The following ADGRB1 variants were observed in gnomAD, a reference collection of about 807,000 sequenced individuals.
ADGRB1 encodes the protein adhesion G protein-coupled receptor B1.
Under a neutral mutation model 175.7 loss-of-function variants are expected in ADGRB1, and 36 were observed. The ratio of observed to expected loss-of-function variants is 0.20; its 90% CI spans 0.16 to 0.27. The LOEUF is 0.27. Among genes scored for constraint, ADGRB1 ranks in the 10% least tolerant of loss-of-function variants. The pLI is 1.00. For missense variants in ADGRB1, 1,731 were observed against 2,255.3 expected (o/e 0.77, Z 4.71); for synonymous variants, 1,054 against 979.4 (o/e 1.08, Z -1.42).
chr8:142,538,266 C>CCA (rs1563753010), intron 26 of ADGRB1, among the ~76,000 whole-genome samples: 1 of 152,232 alleles, frequency 6.6e-6, no homozygotes. Flanking sequence ...GGGTGCCCAG[C>CCA]CACCTCACAG....
chr8:142,485,159 G>A (rs1343355395), intron 13 of ADGRB1, among the ~76,000 whole-genome samples: 1 of 152,204 alleles, frequency 6.6e-6, no homozygotes, highest in African/African-American at 2.4e-5. Flanking sequence ...ACTCCACCCA[G>A]CTCCGTGGTG....
intron 17 of ADGRB1, among the ~76,000 whole-genome samples, chr8:142,499,459 C>T (rs1842382608): frequency 6.7e-6 from 1 of 149,140 alleles, no homozygotes; most frequent in African/African-American, 2.6e-5. Flanking sequence ...GTACGGCCAC[C>T]CGCGTGCTGG....
chr8:142,488,927 T>A (rs1841843403), intron 14 of ADGRB1, 108 bp from the exon 15 acceptor site: 1 of 1,360,850 alleles, frequency 7.3e-7, no homozygotes, highest in East Asian at 2.5e-5. Flanking sequence ...GACGCGACCT[T>A]GAAGATGGGC....
chr8:142,482,676 A>G (rs1157137152), intron 11 of ADGRB1, among the ~76,000 whole-genome samples: 1 of 151,436 alleles, frequency 6.6e-6, no homozygotes, highest in Non-Finnish European at 1.5e-5. Context: ...TCCTGGTCAC[A>G]CAGTGAACCC....
Position 142,543,848 on chromosome 8 carries a change from C to A in ADGRB1, c.4557+140C>A. The A allele has an allele frequency of 1.1e-6, 1 of 942,926 alleles. No homozygotes were observed. Among genetic ancestry groups the A allele is most frequent in the Non-Finnish European group, 1.6e-6 (1 of 615,036 alleles). The allele number at this position is 942,926 out of a possible 1,614,324, so 58.4% of individuals were successfully genotyped here. On this transcript the variant is annotated intron_variant, in intron 30 of 30. Transcript: ENST00000517894. This position sits in a 1 kb window ranked among gnomAD's most constrained non-coding sequence, Gnocchi z 4.4. ...CATTCATTCATTCATTCGCCCATCC[C>A]TGAGGGCTGGCCTGACCCTGCCATG...
chr8:142,459,101 C>T (rs1423860446), intron 1 of ADGRB1, among the ~76,000 whole-genome samples: 3 of 152,248 alleles, frequency 2.0e-5, no homozygotes, highest in African/African-American at 7.2e-5. Context: ...GCTTTCTGTC[C>T]TCATAGTGGA....
chr8:142,469,164 T>TGA lies in ADGRB1; in HGVS notation c.784+4183_784+4184insAG, dbSNP rs527831487. Among the ~76,000 whole-genome samples the TGA allele has an allele frequency of 6.2e-4, 85 of 137,354 alleles. No individual in the cohort carries two copies. The East Asian group carries it at 8.5e-3, about 14-fold the overall frequency. The allele number at this position is 137,354 out of a possible 152,430, so 90.1% of individuals were successfully genotyped here. A position where few individuals can be genotyped will look rare whatever the true frequency, so the allele number is the denominator to read the frequency against. On this transcript the variant is annotated intron_variant, in intron 2 of 30. Transcript: ENST00000517894. ...ATGTGTGTGCATGCGTGCATGTGTG[T>TGA]GTGTGTGCATGTGTGTGAATGTGTG...
intron 27 of ADGRB1, 133 bp from the exon 28 acceptor site, chr8:142,541,808 G>C: frequency 1.0e-6 from 1 of 969,434 alleles, no homozygotes; most frequent in Non-Finnish European, 1.5e-6. Context: ...TCGGTACCCA[G>C]CAGGACCTGG....
At chr8:142,526,031 T>TA (rs1000480413) in intron 23 of ADGRB1, among the ~76,000 whole-genome samples, 1 of 152,028 alleles carries the variant, frequency 6.6e-6, no homozygotes, top group African/African-American at 2.4e-5. Context: ...ATGGGAGACT[T>TA]ATGTTAGAGC....
chr8:142,483,775 A>G (rs1207742889), intron 11 of ADGRB1, among the ~76,000 whole-genome samples: 1 of 150,998 alleles, frequency 6.6e-6, no homozygotes, highest in East Asian at 2.0e-4. Context: ...CCCTGGTCAC[A>G]CACTGAGCCT....
At chr8:142,520,384 ATGGTAG>A (rs1843730672) in intron 19 of ADGRB1, among the ~76,000 whole-genome samples, 2 of 22,854 alleles carry the variant, frequency 8.8e-5, no homozygotes, top group Admixed American at 5.2e-4. Flanking sequence ...GGTGGTGGTG[ATGGTAG>A]TGATTGTGAT....
At chr8:142,533,974 C>T (rs916190640) in intron 25 of ADGRB1, among the ~76,000 whole-genome samples, 2 of 152,218 alleles carry the variant, frequency 1.3e-5, no homozygotes, top group Non-Finnish European at 2.9e-5. Flanking sequence ...TGGCGTAGGA[C>T]ACCTGCTTCC....
chr8:142,477,361 G>A (rs778353662), intron 5 of ADGRB1, 24 bp from the exon 6 acceptor site: 3 of 1,551,914 alleles, frequency 1.9e-6, no homozygotes, highest in Non-Finnish European at 2.6e-6. Context: ...GCAGTGGGCA[G>A]CAGCACCTTC....
intron 27 of ADGRB1, 44 bp downstream of exon 27, chr8:142,539,457 T>A: frequency 6.3e-7 from 1 of 1,590,294 alleles, no homozygotes; most frequent in Non-Finnish European, 8.6e-7. Context: ...CCCGGCCCCC[T>A]GCATGGCCCC....
intron 27 of ADGRB1, 36 bp downstream of exon 27, chr8:142,539,449 CGGCCCCCTGCAT>C: frequency 6.3e-7 from 1 of 1,595,054 alleles, no homozygotes; most frequent in Non-Finnish European, 8.5e-7. Context: ...AGTGCCAGCC[CGGCCCCCTGCAT>C]GGCCCCACTC....
chr8:142,539,700 GCCTGGCT>G, intron 27 of ADGRB1: 15 of 549,804 alleles, frequency 2.7e-5, no homozygotes, highest in Admixed American at 6.5e-5. Flanking sequence ...CCTGTGGAGC[GCCTGGCT>G]GCGTCCCCTG....
intron 27 of ADGRB1, among the ~76,000 whole-genome samples, chr8:142,540,303 A>G (rs1845189879): frequency 6.6e-6 from 1 of 152,234 alleles, no homozygotes; most frequent in South Asian, 2.1e-4. Flanking sequence ...GGAGCTGGAC[A>G]AAAAGCACCT....
chr8:142,487,336 C>A (rs1587321237), intron 13 of ADGRB1, among the ~76,000 whole-genome samples: 2 of 152,268 alleles, frequency 1.3e-5, no homozygotes, highest in East Asian at 3.9e-4. Context: ...GGCCACCTGC[C>A]CTTTGACATT....
chr8:142,464,385 G>A lies in ADGRB1; in HGVS notation c.187G>A (p.Ala63Thr), dbSNP rs769960824. 2.6e-5 allele frequency: 39 copies of A among 1,526,080 alleles called. No individual in the cohort carries two copies. The highest frequency in any genetic ancestry group is 3.2e-5 in the Non-Finnish European group (37 of 1,140,536). The allele number at this position is 1,526,080 out of a possible 1,614,324, so 94.5% of individuals were successfully genotyped here. ...GYFSAAAVFPANASRCSWTLR... is the reference protein window; with the variant it reads ...GYFSAAAVFPTNASRCSWTLR... ...CTTCTCCGCGGCCGCCGTGTTCCCGGCCAACGCCTCGCGCTGCTCCTGGAC... is the reference window on the plus strand; with the variant it reads ...CTTCTCCGCGGCCGCCGTGTTCCCGACCAACGCCTCGCGCTGCTCCTGGAC... Residue 63 changes from alanine (A) to threonine (T), a missense_variant, in exon 2 of 31, where the codon GCC becomes ACC. Physicochemically the swap from Ala to Thr is moderately conservative, Grantham distance 58. This residue lies in a region of ADGRB1 where 383 missense variants were observed against 383.1 expected (regional missense o/e 1.00). Coordinates refer to ENST00000517894, the MANE Select transcript of ADGRB1 (RefSeq NM_001702.3).
Sources: gnomAD v4.1 joint callset for allele counts (sites outside exome capture counted in the v4.1 genomes callset) on GRCh38, gnomAD v4.1.1 for gene constraint, gnomAD v4.1.1 regional missense constraint, Gnocchi (gnomAD v3.1) non-coding constraint, MANE v1.5 for transcripts, NCBI Gene and HGNC (gene_info 2026-07-23, HGNC 2026-07-21) for gene names.